Variants in COBL observed in about 807,000 individuals in gnomAD.
The protein encoded by COBL is cordon-bleu WH2 repeat protein.
COBL carries 51 observed loss-of-function variants against 98.8 expected under a neutral mutation model. That is an observed-to-expected ratio of 0.52 (90% CI 0.41 to 0.65). The LOEUF (loss-of-function observed/expected upper bound fraction) is 0.65. Among genes scored for constraint, COBL ranks in the 30% least tolerant of loss-of-function variants. The pLI, the probability that COBL is intolerant of heterozygous loss-of-function variation, is 0.00. For missense variants in COBL, 1,617 were observed against 1,617.5 expected (o/e 1.00, Z 0.01); for synonymous variants, 634 against 651.7 (o/e 0.97, Z 0.41).
chr7:51,044,552 A>G (rs1588309681), intron 7 of COBL, among the ~76,000 whole-genome samples: 1 of 152,334 alleles, frequency 6.6e-6, no homozygotes, highest in East Asian at 1.9e-4. Flanking sequence ...TAGAGTTGTT[A>G]TTGTTTTTTA....
At chr7:51,307,538 T>C (rs1300684515) in intron 1 of COBL, among the ~76,000 whole-genome samples, 2 of 152,172 alleles carry the variant, frequency 1.3e-5, no homozygotes, top group African/African-American at 4.8e-5. Flanking sequence ...AGGCAAGTCC[T>C]TGCAAAGAAC....
At position 51,043,408 on chromosome 7, in the gene COBL, T is replaced by C; in HGVS notation, c.1381A>G (p.Asn461Asp). 6.2e-7 allele frequency: 1 copy of C among 1,614,164 alleles called. No homozygotes were observed. The highest frequency in any genetic ancestry group is 8.5e-7 in the Non-Finnish European group (1 of 1,180,018). ...GPQKSPLWEK[N>D]GSENSHLRTE... ...CTCAGATGTGAGTTCTCAGAGCCAT[T>C]CTTCTCCCACAAGGGGCTCTTCTGG... The change falls in exon 8 of 13, where the codon AAT becomes GAT. Residue 461 changes from asparagine to aspartate, a missense_variant. Around this residue, in one of 3 missense-constraint regions of COBL, gnomAD observed 1,304 missense variants for 1,282.0 expected, o/e 1.02. Coordinates refer to ENST00000265136, the MANE Select transcript of COBL (RefSeq NM_015198.5).
At chr7:51,257,011 C>A (rs777295286) in intron 1 of COBL, among the ~76,000 whole-genome samples, 5 of 152,154 alleles carry the variant, frequency 3.3e-5, no homozygotes, top group Admixed American at 6.5e-5. Context: ...AGAGCAGAAA[C>A]TAAACCAGTC....
chr7:51,250,535 G>C lies in COBL; in HGVS notation c.42-30591C>G, dbSNP rs563432521. On this transcript the variant is annotated intron_variant, in intron 1 of 12. Transcript: ENST00000265136. Reference sequence around the variant, plus strand: ...AAGAAAACTGAAAATGACAGAGTGGGAGGAATTATAAAAATACAGAGGCAT... The same window carrying C: ...AAGAAAACTGAAAATGACAGAGTGGCAGGAATTATAAAAATACAGAGGCAT... Among the ~76,000 whole-genome samples the C allele has an allele frequency of 5.7e-4, 87 of 152,234 alleles. 1 individual carries two copies. The Middle Eastern group carries it at 0.02, about 36-fold the overall frequency.
chr7:51,019,535 C>T (rs1050270225), intron 12 of COBL, among the ~76,000 whole-genome samples: 1 of 152,162 alleles, frequency 6.6e-6, no homozygotes, highest in Non-Finnish European at 1.5e-5. Context: ...CAGGAATGAG[C>T]TGGTCAAATG....
rs1485356186 is a variant in COBL, at chr7:51,016,824, G to GT, written c.*726dup. On this transcript the variant is annotated 3_prime_UTR_variant, in exon 13 of 13. Transcript: ENST00000265136. The stretch of plus-strand genomic sequence containing the variant: ...GCACTGCCCATCCACTCCAGTGGTG[G>GT]TGTGACCTCAGCCACCCGCCACCCT... 3 of 397,862 alleles carry GT rather than the reference G, an allele frequency of 7.5e-6. No individual in the cohort carries two copies. The allele number at this position is 397,862 out of a possible 1,614,324, so 24.6% of individuals were successfully genotyped here.
intron 1 of COBL, among the ~76,000 whole-genome samples, chr7:51,229,182 AGTGCC>A (rs1239982828): frequency 1.3e-5 from 2 of 152,236 alleles, no homozygotes; most frequent in Non-Finnish European, 2.9e-5. Flanking sequence ...AGAGTGAAGC[AGTGCC>A]CTGAGAACTA....
At chr7:51,259,818 C>T (rs1489087695) in intron 1 of COBL, 2 of 753,152 alleles carry the variant, frequency 2.7e-6, no homozygotes, top group Non-Finnish European at 2.4e-6. Context: ...ACAAAGATAC[C>T]ACTAAAAATT....
At chr7:51,165,747 C>CT (rs1413394204) in intron 5 of COBL, among the ~76,000 whole-genome samples, 3 of 151,770 alleles carry the variant, frequency 2.0e-5, no homozygotes, top group African/African-American at 4.8e-5. Flanking sequence ...TTTTTAAAAA[C>CT]TGAAATAATA....
chr7:51,260,731 G>A (rs567488466), intron 1 of COBL, among the ~76,000 whole-genome samples: 13 of 152,300 alleles, frequency 8.5e-5, no homozygotes, highest in African/African-American at 1.2e-4. Context: ...AACTGGGATC[G>A]CAGGTAAGCT....
At chr7:51,062,648 G>A (rs968648862) in intron 7 of COBL, among the ~76,000 whole-genome samples, 2 of 152,202 alleles carry the variant, frequency 1.3e-5, no homozygotes, top group Non-Finnish European at 2.9e-5. Context: ...GCATGGAAAC[G>A]TGGGCGCTTG....
intron 6 of COBL, among the ~76,000 whole-genome samples, chr7:51,114,200 A>T (rs1797079266): frequency 6.6e-6 from 1 of 152,126 alleles, no homozygotes; most frequent in Non-Finnish European, 1.5e-5. Flanking sequence ...CAACACAGTC[A>T]GGAGGGGGTG....
chr7:51,313,779 C>T (rs1803285885), intron 1 of COBL, among the ~76,000 whole-genome samples: 1 of 152,198 alleles, frequency 6.6e-6, no homozygotes. Flanking sequence ...TTCAGACAAA[C>T]GCAAAGTAAA....
intron 5 of COBL, among the ~76,000 whole-genome samples, chr7:51,158,063 T>G (rs949189340): frequency 9.9e-5 from 15 of 152,206 alleles, no homozygotes; most frequent in Non-Finnish European, 1.9e-4. Flanking sequence ...AGTTGTTGTG[T>G]TAGAGAGGCA....
intron 7 of COBL, chr7:51,073,423 A>G (rs1185500212): frequency 1.5e-6 from 1 of 653,978 alleles, no homozygotes; most frequent in African/African-American, 1.8e-5. Context: ...GTGAACGCAC[A>G]CTTGCGGTGA....
At chr7:51,223,907 T>C (rs565642141) in intron 1 of COBL, among the ~76,000 whole-genome samples, 1 of 152,362 alleles carries the variant, frequency 6.6e-6, no homozygotes, top group South Asian at 2.1e-4. Flanking sequence ...TGTAGCATAA[T>C]GTAGTTCATA....
intron 1 of COBL, among the ~76,000 whole-genome samples, chr7:51,251,931 C>T (rs1403764885): frequency 6.6e-6 from 1 of 152,040 alleles, no homozygotes; most frequent in Non-Finnish European, 1.5e-5. Flanking sequence ...CAGTTCTGCA[C>T]TCTAAAGTCC....
At chr7:51,295,444 C>A (rs942290049) in intron 1 of COBL, among the ~76,000 whole-genome samples, 1 of 151,646 alleles carries the variant, frequency 6.6e-6, no homozygotes, top group Non-Finnish European at 1.5e-5. Flanking sequence ...AAACATTTTT[C>A]AAAAAAAATA....
chr7:51,239,697 T>A (rs181986736), intron 1 of COBL, among the ~76,000 whole-genome samples: 1 of 152,306 alleles, frequency 6.6e-6, no homozygotes, highest in East Asian at 1.9e-4. Context: ...GACCCCTTTC[T>A]GGTAAGAATA....
Sources: allele counts gnomAD v4.1 joint callset (sites outside exome capture counted in the v4.1 genomes callset), GRCh38; gene constraint gnomAD v4.1.1; regional missense constraint gnomAD v4.1.1; transcripts MANE v1.5; gene names NCBI Gene and HGNC (gene_info 2026-07-23, HGNC 2026-07-21).